The following PHLDB1 variants were observed in gnomAD, a reference collection of about 807,000 sequenced individuals.
PHLDB1 encodes the protein pleckstrin homology like domain family B member 1.
In PHLDB1, 65 loss-of-function variants were observed where a neutral mutation model predicts 139.3. The observed-to-expected ratio is 0.47, with a 90% CI of 0.38 to 0.57. PHLDB1 has a LOEUF of 0.57. PHLDB1 is among the 20% of genes least tolerant of loss of function. PHLDB1 has a pLI of 0.00. For synonymous variants in PHLDB1, 679 were observed against 734.5 expected (o/e 0.92, Z 1.22); for missense variants, 1,624 against 1,839.7 (o/e 0.88, Z 2.14).
Position 118,631,929 on chromosome 11 carries a change from GC to G in PHLDB1, c.2118del (p.Ser706ArgfsTer9). 1 of 1,613,188 alleles carries G rather than the reference GC, an allele frequency of 6.2e-7. No individual in the cohort carries two copies. The highest frequency in any genetic ancestry group is 8.5e-7 in the Non-Finnish European group (1 of 1,179,618). ...STQQEHEDAP[S>X]TKLQGEVLAL... Reference sequence around the variant, plus strand: ...CCCCTCCAGCACGAAGATGCACCTAGCACCAAGCTCCAGGGAGAGGTGCTAG... The same window carrying G: ...CCCCTCCAGCACGAAGATGCACCTAGACCAAGCTCCAGGGAGAGGTGCTAG... On this transcript the variant is annotated frameshift_variant, in exon 8 of 23. Coordinates refer to ENST00000600882, the MANE Select transcript of PHLDB1 (RefSeq NM_001144758.3). LOFTEE classifies it high-confidence loss of function.
In PHLDB1 at chr11:118,650,591, G is replaced by T; in HGVS notation, c.3874+44G>T. On this transcript the variant is annotated intron_variant, in intron 20 of 22. Coordinates refer to ENST00000600882, the MANE Select transcript of PHLDB1 (RefSeq NM_001144758.3). The surrounding 1 kb of genome is among the most constrained non-coding windows in gnomAD (Gnocchi z 4.7). ...ACCCTGGGGGCCAGCCAGGATCCCT[G>T]GGCTCTGTTACCCAGGACGGCTGGT... 1 of 1,352,254 alleles carries T rather than the reference G, an allele frequency of 7.4e-7. No individual in the cohort carries two copies. The highest frequency in any genetic ancestry group is 1.1e-6 in the Non-Finnish European group (1 of 941,540). 83.8% of individuals were successfully genotyped at this position (1,352,254 alleles called of 1,614,324 possible). A position where few individuals can be genotyped will look rare whatever the true frequency, so the allele number is the denominator to read the frequency against.
At chr11:118,648,227 G>A in intron 18 of PHLDB1, 151 bp downstream of exon 18, 1 of 765,144 alleles carries the variant, frequency 1.3e-6, no homozygotes, top group Non-Finnish European at 2.1e-6. Context: ...ATTCTACCTG[G>A]GACTCATTGA....
At chr11:118,638,429 G>A (rs1048725428) in intron 10 of PHLDB1, among the ~76,000 whole-genome samples, 1 of 152,184 alleles carries the variant, frequency 6.6e-6, no homozygotes, top group African/African-American at 2.4e-5. Flanking sequence ...ATTCAGATAA[G>A]CAAACAAACC....
intron 7 of PHLDB1, 147 bp downstream of exon 7, chr11:118,631,626 A>C (rs2136246605): frequency 4.0e-6 from 3 of 759,378 alleles, no homozygotes. Flanking sequence ...AAATGAGACA[A>C]GGAAGAGAAG....
chr11:118,607,964 T>C (rs1939437733), intron 1 of PHLDB1, among the ~76,000 whole-genome samples: 1 of 151,530 alleles, frequency 6.6e-6, no homozygotes, highest in African/African-American at 2.4e-5. Flanking sequence ...CGTGACGCTC[T>C]CCCCCCCTTG....
At chr11:118,625,417 G>A (rs189429417) in intron 5 of PHLDB1, among the ~76,000 whole-genome samples, 4 of 152,338 alleles carry the variant, frequency 2.6e-5, no homozygotes, top group Admixed American at 2.6e-4. Context: ...GAAGCATTAG[G>A]TTGAACTCCC....
intron 12 of PHLDB1, 153 bp from the exon 13 acceptor site, chr11:118,642,101 C>A: frequency 1.3e-6 from 1 of 746,154 alleles, no homozygotes; most frequent in Non-Finnish European, 2.4e-6. Flanking sequence ...GTCCATTTCC[C>A]TGATGTGGCC....
intron 12 of PHLDB1, chr11:118,641,521 C>A: frequency 1.3e-6 from 1 of 746,734 alleles, no homozygotes; most frequent in Non-Finnish European, 1.8e-6. Context: ...ACTTTCTGCC[C>A]TTTCCCTCCC....
At chr11:118,647,666 TA>T (rs551832859) in intron 17 of PHLDB1, 2,040 of 305,656 alleles carry the variant, frequency 6.7e-3, no homozygotes, top group Middle Eastern at 9.6e-3. Context: ...GTGAGCGAGA[TA>T]AAAAAAAAAG....
At chr11:118,639,113 A>C in intron 11 of PHLDB1, 49 bp from the exon 12 acceptor site, 4 of 1,583,232 alleles carry the variant, frequency 2.5e-6, no homozygotes, top group Non-Finnish European at 3.5e-6. Flanking sequence ...CCCCTCACAC[A>C]GTCTCCTGGC....
chr11:118,613,772 C>T, intron 1 of PHLDB1, 44 bp from the exon 2 acceptor site: 1 of 1,240,088 alleles, frequency 8.1e-7, no homozygotes, highest in Non-Finnish European at 1.2e-6. Flanking sequence ...TTTCCCTCTC[C>T]TGCCCTGGCC....
chr11:118,627,444 G>A lies in PHLDB1; in HGVS notation c.621G>A (p.Glu207=), dbSNP rs1179408280. The part of the protein sequence containing the change: ...LQEIMDSLVL[E]EPGAAGKKPA... ...AGATCATGGACTCACTGGTGCTAGA[G>A]GAGCCTGGAGCTGCTGGCAAGAAGC... is the stretch of plus-strand genomic sequence containing the variant. The change falls in exon 6 of 23, where the codon GAG becomes GAA. Residue 207 remains glutamate (E), a synonymous_variant. Coordinates refer to ENST00000600882, the MANE Select transcript of PHLDB1 (RefSeq NM_001144758.3). 6.2e-6 allele frequency: 10 copies of A among 1,614,092 alleles called. No individual in the cohort carries two copies. The highest frequency in any genetic ancestry group is 1.1e-5 in the South Asian group (1 of 91,090).
At position 118,639,225 on chromosome 11, in the gene PHLDB1, C is replaced by T; in HGVS notation, c.2710C>T (p.Pro904Ser). 6.2e-7 allele frequency: 1 copy of T among 1,613,950 alleles called. No individual in the cohort carries two copies. Among genetic ancestry groups the T allele is most frequent in the Non-Finnish European group, 8.5e-7 (1 of 1,179,810 alleles). The change falls in exon 12 of 23, where the codon CCG (proline) becomes TCG (serine). Residue 904 changes from proline to serine, a missense_variant. By Grantham distance (74) the Pro-to-Ser change is moderately conservative. Coordinates refer to ENST00000600882, the MANE Select transcript of PHLDB1 (RefSeq NM_001144758.3). ...YHSLTGGRPF[P>S]KTTSTLKEME... ...CTCACTCACAGGGGGCAGGCCTTTC[C>T]CGAAGACCACATCGACCCTCAAAGA...
intron 4 of PHLDB1, among the ~76,000 whole-genome samples, chr11:118,616,808 G>T (rs1941736137): frequency 6.6e-6 from 1 of 152,182 alleles, no homozygotes; most frequent in Non-Finnish European, 1.5e-5. Context: ...ACTTTGGTAG[G>T]CCGAGGTGGG....
chr11:118,645,352 T>C lies in PHLDB1; in HGVS notation c.3122-4T>C. The C allele has an allele frequency of 1.3e-6, 2 of 1,511,746 alleles. No homozygotes were observed. Among genetic ancestry groups the C allele is most frequent in the Non-Finnish European group, 1.8e-6 (2 of 1,129,604 alleles). 93.6% of individuals were successfully genotyped at this position (1,511,746 alleles called of 1,614,324 possible). The stretch of plus-strand genomic sequence containing the variant: ...ACTGTGACTCCCATCTGTCTCTCCT[T>C]CAGGACAACAAGTGATTGAAGAGCA... On this transcript the variant is annotated splice_region_variant and splice_polypyrimidine_tract_variant and intron_variant, in intron 15 of 22. Coordinates refer to ENST00000600882, the MANE Select transcript of PHLDB1 (RefSeq NM_001144758.3). This position sits in a 1 kb window ranked among gnomAD's most constrained non-coding sequence, Gnocchi z 5.1.
In PHLDB1 at chr11:118,616,158, A is replaced by G. The variant is rs1555089241; in HGVS notation, c.302A>G (p.Asn101Ser). The change falls in exon 4 of 23, where the codon AAT (asparagine) becomes AGT (serine). Residue 101 changes from asparagine (N) to serine (S), a missense_variant. By Grantham distance (46) the Asn-to-Ser change is conservative. Transcript: ENST00000600882. ...RGTLTLYPCG[N>S]ACTIDGLPVR... ...ACCCTCACCCTCTACCCCTGTGGCA[A>G]TGCCTGCACTATTGATGGGCTCCCT... 1 of 1,614,092 alleles carries G rather than the reference A, an allele frequency of 6.2e-7. No homozygotes were observed. The highest frequency in any genetic ancestry group is 1.7e-5 in the Admixed American group (1 of 60,018).
rs186030939 is a variant in PHLDB1, at chr11:118,650,325, T to C, written c.3772-120T>C. ...ACCAGATCTCTGTCCCAGGACCTGG[T>C]GTGCTGGCCTGAGGAGATGTTGGGG... is the stretch of plus-strand genomic sequence containing the variant. On this transcript the variant is annotated intron_variant, in intron 19 of 22. Coordinates refer to ENST00000600882, the MANE Select transcript of PHLDB1 (RefSeq NM_001144758.3). This position sits in a 1 kb window ranked among gnomAD's most constrained non-coding sequence, Gnocchi z 4.7. 2 of 978,036 alleles carry C rather than the reference T, an allele frequency of 2.0e-6. No homozygotes were observed. Among genetic ancestry groups the C allele is most frequent in the African/African-American group, 1.6e-5 (1 of 62,860 alleles). The allele number at this position is 978,036 out of a possible 1,614,324, so 60.6% of individuals were successfully genotyped here. A position where few individuals can be genotyped will look rare whatever the true frequency, so the allele number is the denominator to read the frequency against.
At chr11:118,647,713 T>G in intron 17 of PHLDB1, 1 of 503,848 alleles carries the variant, frequency 2.0e-6, no homozygotes, top group Non-Finnish European at 3.5e-6. Flanking sequence ...GAGCCCATAG[T>G]GGTAGCGGGG....
intron 9 of PHLDB1, chr11:118,634,965 C>A (rs1555114073): frequency 2.2e-6 from 1 of 457,922 alleles, no homozygotes; most frequent in South Asian, 1.6e-5. Context: ...CCTGGAGGCC[C>A]GCCAGGCGCT....
Sources: gnomAD v4.1 joint callset for allele counts (sites outside exome capture counted in the v4.1 genomes callset) on GRCh38, gnomAD v4.1.1 for gene constraint, Gnocchi (gnomAD v3.1) non-coding constraint, MANE v1.5 for transcripts, NCBI Gene and HGNC (gene_info 2026-07-23, HGNC 2026-07-21) for gene names.